RAB3C: variants seen among roughly 807,000 people sequenced by gnomAD.
RAB3C encodes the protein ras-related protein Rab-3C.
Under a neutral mutation model 26.4 loss-of-function variants are expected in RAB3C, and 17 were observed. The observed-to-expected ratio is 0.64, with a 90% CI of 0.44 to 0.97. The LOEUF (loss-of-function observed/expected upper bound fraction) is 0.97, where lower values mean the gene tolerates loss of function less well. Among genes scored for constraint, RAB3C ranks in the 50% least tolerant of loss-of-function variants. The pLI, the probability that RAB3C is intolerant of heterozygous loss-of-function variation, is 0.00. For missense variants in RAB3C, 242 were observed against 281.9 expected, an observed-to-expected ratio of 0.86 and a Z score of 1.01; for synonymous variants, 91 against 95.9, an observed-to-expected ratio of 0.95 and a Z score of 0.30.
intron 2 of RAB3C, among the ~76,000 whole-genome samples, chr5:58,681,572 G>A (rs907173410): frequency 1.3e-5 from 2 of 152,282 alleles, no homozygotes; most frequent in African/African-American, 2.4e-5. Flanking sequence ...TTACCTGCAG[G>A]AATAAGTTTA....
At chr5:58,818,422 A>C (rs920790119) in intron 3 of RAB3C, among the ~76,000 whole-genome samples, 1 of 152,226 alleles carries the variant, frequency 6.6e-6, no homozygotes, top group African/African-American at 2.4e-5. Context: ...ATAAGAACCA[A>C]AATAGGGATA....
At chr5:58,685,849 C>T (rs1166599939) in intron 2 of RAB3C, among the ~76,000 whole-genome samples, 5 of 152,044 alleles carry the variant, frequency 3.3e-5, no homozygotes, top group East Asian at 1.9e-4. Flanking sequence ...ATGGAAAAAA[C>T]GTAGATATAG....
At chr5:58,768,335 T>G (rs1307788737) in intron 3 of RAB3C, among the ~76,000 whole-genome samples, 1 of 152,110 alleles carries the variant, frequency 6.6e-6, no homozygotes, top group Non-Finnish European at 1.5e-5. Flanking sequence ...TGAAGCTTAT[T>G]TTATAAATTT....
chr5:58,711,567 A>G (rs890303691), intron 2 of RAB3C, among the ~76,000 whole-genome samples: 1 of 152,152 alleles, frequency 6.6e-6, no homozygotes, highest in Non-Finnish European at 1.5e-5. Context: ...GCTATTACTG[A>G]ATAAAAAAGC....
intron 3 of RAB3C, among the ~76,000 whole-genome samples, chr5:58,753,895 C>T (rs1265507676): frequency 6.6e-6 from 1 of 152,172 alleles, no homozygotes; most frequent in Non-Finnish European, 1.5e-5. Context: ...TGTCTCCAAA[C>T]AGTAGCCCTT....
At chr5:58,841,376 C>A (rs1005490082) in intron 4 of RAB3C, among the ~76,000 whole-genome samples, 1 of 152,164 alleles carries the variant, frequency 6.6e-6, no homozygotes, top group Non-Finnish European at 1.5e-5. Flanking sequence ...CCAGGCTCTG[C>A]ACAGCTGGGG....
At chr5:58,806,338 G>A (rs1180896838) in intron 3 of RAB3C, among the ~76,000 whole-genome samples, 3 of 152,116 alleles carry the variant, frequency 2.0e-5, no homozygotes, top group Admixed American at 2.0e-4. Flanking sequence ...ATAAATGGTA[G>A]CTATTGTTAT....
intron 2 of RAB3C, among the ~76,000 whole-genome samples, chr5:58,674,425 A>G (rs55719200): frequency 0.015 from 2,313 of 152,330 alleles, 67 homozygotes; most frequent in African/African-American, 0.053. Context: ...TGGGATATAA[A>G]CCAACCAATT....
chr5:58,712,462 A>G (rs1332967066), intron 2 of RAB3C, among the ~76,000 whole-genome samples: 1 of 152,194 alleles, frequency 6.6e-6, no homozygotes, highest in Non-Finnish European at 1.5e-5. Context: ...ATTGTTTGGG[A>G]TAAGTTAATA....
intron 2 of RAB3C, among the ~76,000 whole-genome samples, chr5:58,695,670 A>T (rs547562518): frequency 3.9e-5 from 6 of 151,994 alleles, no homozygotes; most frequent in Non-Finnish European, 8.8e-5. Flanking sequence ...TAGGTATTTT[A>T]TTCTCTTTGT....
chr5:58,754,858 GA>G (rs1741619911), intron 3 of RAB3C, among the ~76,000 whole-genome samples: 1 of 151,120 alleles, frequency 6.6e-6, no homozygotes, highest in South Asian at 2.1e-4. Flanking sequence ...ATCGTCCAGA[GA>G]GCTACATCTA....
chr5:58,707,246 A>T (rs1340007245), intron 2 of RAB3C, among the ~76,000 whole-genome samples: 1 of 152,244 alleles, frequency 6.6e-6, no homozygotes, highest in East Asian at 1.9e-4. Flanking sequence ...TAAAAAGGAC[A>T]TCCAAAAATT....
At chr5:58,673,444 TTA>T (rs1491466469) in intron 2 of RAB3C, among the ~76,000 whole-genome samples, 2 of 121,714 alleles carry the variant, frequency 1.6e-5, no homozygotes, top group African/African-American at 3.1e-5. Context: ...AACGAACTAG[TTA>T]TACACACACA....
rs145394451 is a variant in RAB3C, at chr5:58,851,165, G to T, written c.498G>T (p.Gly166=). 2.5e-5 allele frequency: 39 copies of T among 1,591,310 alleles called. No individual in the cohort carries two copies. In the African/African-American group the frequency reaches 4.7e-4, roughly 19 times the overall value. ...ERGQHLGEQL[G]FEFFETSAKD... ...TGTGTTTCTGTGTGTTTCTTCCAGGGTTTGAGTTTTTTGAAACAAGTGCCA... is the reference window on the plus strand; with the variant it reads ...TGTGTTTCTGTGTGTTTCTTCCAGGTTTTGAGTTTTTTGAAACAAGTGCCA... The change falls in exon 5 of 5, where the codon GGG becomes GGT. Residue 166 remains glycine, a splice_region_variant and synonymous_variant. Transcript: ENST00000282878.
At chr5:58,597,130 A>T (rs369741161) in intron 1 of RAB3C, among the ~76,000 whole-genome samples, 1 of 2,558 alleles carries the variant, frequency 3.9e-4, no homozygotes, top group African/African-American at 1.6e-3. Flanking sequence ...CATAATATAT[A>T]ATATAATAAT....
intron 2 of RAB3C, among the ~76,000 whole-genome samples, chr5:58,635,939 G>A (rs1012771399): frequency 6.6e-6 from 1 of 152,142 alleles, no homozygotes; most frequent in Admixed American, 6.6e-5. Flanking sequence ...TTGGGAAGTA[G>A]AGAAAAGAAC....
chr5:58,685,245 A>G lies in RAB3C; in HGVS notation c.253-40757A>G, dbSNP rs117874104. Among the ~76,000 whole-genome samples, 32 of 152,212 alleles carry G rather than the reference A, an allele frequency of 2.1e-4. No individual in the cohort carries two copies. In the East Asian group the frequency reaches 5.8e-3, roughly 28 times the overall value. On this transcript the variant is annotated intron_variant, in intron 2 of 4. Coordinates refer to ENST00000282878, the MANE Select transcript of RAB3C (RefSeq NM_138453.4). ...TCAGATAAGGGACAACTACTGTATT[A>G]TCTTATGTTCTTGGGGTTAGATGTC...
At chr5:58,631,975 G>A (rs943524157) in intron 2 of RAB3C, among the ~76,000 whole-genome samples, 2 of 152,174 alleles carry the variant, frequency 1.3e-5, no homozygotes, top group African/African-American at 4.8e-5. Context: ...GTTTTATAAT[G>A]ACATAAAGGC....
rs766154751 is a variant in RAB3C at position 58,669,610 on chromosome 5, T to A, written c.252+51740T>A. 7.2e-5 allele frequency among the ~76,000 whole-genome samples: 11 copies of A among 152,350 alleles called. No individual in the cohort carries two copies. In the South Asian group the frequency reaches 2.3e-3, roughly 32 times the overall value. ...GTGCACTAGTGCAGCTGAGATCACATGCCGGCTCCACTAGTAACTCGTTTT... is the reference window on the plus strand; with the variant it reads ...GTGCACTAGTGCAGCTGAGATCACAAGCCGGCTCCACTAGTAACTCGTTTT... On this transcript the variant is annotated intron_variant, in intron 2 of 4. Transcript: ENST00000282878.
Sources: allele counts gnomAD v4.1 joint callset (sites outside exome capture counted in the v4.1 genomes callset), GRCh38; gene constraint gnomAD v4.1.1; transcripts MANE v1.5; gene names NCBI Gene and HGNC (gene_info 2026-07-23, HGNC 2026-07-21).